The following TENM1 variants were observed in gnomAD, a reference collection of about 807,000 sequenced individuals.
The protein encoded by TENM1 is teneurin transmembrane protein 1, also known as teneurin-1.
Under a neutral mutation model 174.8 loss-of-function variants are expected in TENM1, and 35 were observed. The observed-to-expected ratio is 0.20, with a 90% CI of 0.15 to 0.27. TENM1 has a LOEUF of 0.27. TENM1 is among the 10% of genes least tolerant of loss of function. The pLI, the probability that TENM1 is intolerant of heterozygous loss-of-function variation, is 1.00. For missense variants in TENM1, 1,633 were observed against 2,130.1 expected, an observed-to-expected ratio of 0.77 and a Z score of 4.59; for synonymous variants, 781 against 798.7, an observed-to-expected ratio of 0.98 and a Z score of 0.37.
intron 3 of TENM1, among the ~76,000 whole-genome samples, chrX:124,832,416 C>T (rs182771797): frequency 2.0e-3 from 230 of 112,237 alleles, no homozygotes; most frequent in African/African-American, 7.3e-3. Context: ...AGAGCTTGGG[C>T]TCCAGACTCA....
At chrX:124,607,679 G>A (rs2050191960) in intron 11 of TENM1, among the ~76,000 whole-genome samples, 1 of 110,459 alleles carries the variant, frequency 9.1e-6, no homozygotes, top group Non-Finnish European at 1.9e-5. Context: ...AGTGAAGTGG[G>A]AAGACCATGG....
chrX:124,752,515 T>G (rs899934402), intron 3 of TENM1, among the ~76,000 whole-genome samples: 4 of 111,950 alleles, frequency 3.6e-5, no homozygotes. Flanking sequence ...CATTTGTCAA[T>G]TTTGGCTTTC....
intron 1 of TENM1, among the ~76,000 whole-genome samples, chrX:124,953,075 G>T (rs968823494): frequency 8.9e-6 from 1 of 112,084 alleles, no homozygotes; most frequent in Middle Eastern, 4.7e-3. Context: ...AGCCAGTTCT[G>T]CATCACAGAT....
In TENM1 at chrX:124,382,075, G is replaced by T. The variant is rs1031817345; in HGVS notation, c.7440+595C>A. 3.6e-5 allele frequency among the ~76,000 whole-genome samples: 4 copies of T among 111,038 alleles called. No individual in the cohort carries two copies. In the South Asian group the frequency reaches 1.5e-3, roughly 42 times the overall value. ...AGCCCATTTTGTTTTCGCAAACACA[G>T]ATATTCATATTTCTTTCAGTTGAAA... On this transcript the variant is annotated intron_variant, in intron 31 of 31. Transcript: ENST00000422452.
chrX:124,800,114 C>A (rs1383433940), intron 3 of TENM1, among the ~76,000 whole-genome samples: 1 of 111,714 alleles, frequency 9.0e-6, no homozygotes, highest in Non-Finnish European at 1.9e-5. Flanking sequence ...ATGCTGGCCT[C>A]ATAAAATGAG....
At chrX:125,077,066 C>T in the TENM1 span, among the ~76,000 whole-genome samples, 1 of 110,104 alleles carries the variant, frequency 9.1e-6, no homozygotes, top group Non-Finnish European at 1.9e-5. Flanking sequence ...TAAATGCCAT[C>T]GTATTTCAAA....
the TENM1 span, among the ~76,000 whole-genome samples, chrX:124,970,543 T>C: frequency 1.6e-3 from 176 of 112,556 alleles, no homozygotes; most frequent in Non-Finnish European, 3.8e-4. Flanking sequence ...TTCTGACTGA[T>C]TCTCCTCTTA....
At chrX:124,823,501 T>C (rs2056086984) in intron 3 of TENM1, among the ~76,000 whole-genome samples, 1 of 111,396 alleles carries the variant, frequency 9.0e-6, no homozygotes. Context: ...TGTGTTTTGA[T>C]ATATCATTAT....
Position 124,497,366 on chromosome X carries a change from G to A in TENM1, c.3446-101C>T, listed in dbSNP as rs766707027. On this transcript the variant is annotated intron_variant, in intron 19 of 31. Coordinates refer to ENST00000422452, the Ensembl canonical transcript of TENM1. ...ATTCTTCATCATCCCAAGCAGGAAG[G>A]AGCTTTGGCCTGGCATAAGAGAACC... The A allele has an allele frequency of 2.1e-5, 19 of 920,369 alleles. No homozygotes were observed. In the South Asian group the frequency reaches 3.1e-4, roughly 15 times the overall value. The allele number at this position is 920,369 out of a possible 1,213,427, so 75.8% of individuals were successfully genotyped here.
Position 124,565,366 on chromosome X carries a change from G to A in TENM1, c.2263+9C>T. On this transcript the variant is annotated intron_variant, in intron 12 of 31. Transcript: ENST00000422452. ...CAACTTACTTTGGTTAAAGTATGGT[G>A]GTACTTACCAATTGTGCAGTGGTCG... 8.5e-7 allele frequency: 1 copy of A among 1,170,949 alleles called. No homozygotes were observed. Among genetic ancestry groups the A allele is most frequent in the Admixed American group, 2.3e-5 (1 of 43,672 alleles).
chrX:124,506,021 A>G (rs2148004167), intron 18 of TENM1, among the ~76,000 whole-genome samples: 1 of 111,943 alleles, frequency 8.9e-6, no homozygotes, highest in Admixed American at 9.4e-5. Context: ...AGGATAACAC[A>G]GTTTCTGCTT....
the TENM1 span, among the ~76,000 whole-genome samples, chrX:124,980,451 T>C: frequency 2.7e-5 from 3 of 111,043 alleles, no homozygotes; most frequent in Non-Finnish European, 5.7e-5. Context: ...GATAAACCCA[T>C]TGTAAAGCTG....
At chrX:124,674,662 A>G (rs998301710) in intron 5 of TENM1, among the ~76,000 whole-genome samples, 3 of 111,551 alleles carry the variant, frequency 2.7e-5, no homozygotes, top group Non-Finnish European at 5.7e-5. Flanking sequence ...AAGGTATGGT[A>G]TGGCACATTA....
the TENM1 span, among the ~76,000 whole-genome samples, chrX:125,120,434 C>T: frequency 3.2e-4 from 35 of 110,918 alleles, no homozygotes; most frequent in Admixed American, 2.8e-3. Flanking sequence ...TTAAGCCCAG[C>T]ATGCATCAGC....
At chrX:124,523,105 T>TA (rs1328546850) in intron 17 of TENM1, among the ~76,000 whole-genome samples, 1 of 112,428 alleles carries the variant, frequency 8.9e-6, no homozygotes, top group African/African-American at 3.2e-5. Flanking sequence ...CAGTGTTTAT[T>TA]AGGTCAAAGA....
chrX:124,795,075 A>C (rs1201551236), intron 3 of TENM1, among the ~76,000 whole-genome samples: 1 of 111,868 alleles, frequency 8.9e-6, no homozygotes, highest in African/African-American at 3.2e-5. Flanking sequence ...TGGTATTACC[A>C]TATCTACATA....
chrX:124,693,542 C>T (rs950204754), intron 5 of TENM1, among the ~76,000 whole-genome samples: 2 of 111,342 alleles, frequency 1.8e-5, no homozygotes, highest in African/African-American at 6.5e-5. Context: ...CTCCCTTCGT[C>T]ATCAGTCAGT....
At chrX:125,157,222 C>A in the TENM1 span, among the ~76,000 whole-genome samples, 1 of 112,223 alleles carries the variant, frequency 8.9e-6, no homozygotes, top group Non-Finnish European at 1.9e-5. Context: ...ACTGGTCTAG[C>A]AGATCATTTT....
chrX:124,784,490 A>G (rs1336062299), intron 3 of TENM1, among the ~76,000 whole-genome samples: 1 of 111,708 alleles, frequency 9.0e-6, no homozygotes, highest in Non-Finnish European at 1.9e-5. Flanking sequence ...GCCAATTTTT[A>G]GATATTTGCT....
Sources: allele counts gnomAD v4.1 joint callset (sites outside exome capture counted in the v4.1 genomes callset), GRCh38; gene constraint gnomAD v4.1.1; transcripts MANE v1.5; gene names NCBI Gene and HGNC (gene_info 2026-07-23, HGNC 2026-07-21).